Variants in ARMH3 observed in about 807,000 individuals in gnomAD.
ARMH3 encodes the protein armadillo-like helical domain-containing protein 3.
Under a neutral mutation model 99.1 loss-of-function variants are expected in ARMH3, and 60 were observed. The observed-to-expected ratio is 0.61, with a 90% CI of 0.49 to 0.75. The LOEUF is 0.75. Among genes scored for constraint, ARMH3 ranks in the 30% least tolerant of loss-of-function variants. The pLI is 0.00. For synonymous variants in ARMH3, 285 were observed against 292.8 expected, an observed-to-expected ratio of 0.97 and a Z score of 0.27; for missense variants, 679 against 843.1, an observed-to-expected ratio of 0.81 and a Z score of 2.41.
intron 1 of ARMH3, among the ~76,000 whole-genome samples, chr10:102,042,584 C>G (rs1423832108): frequency 6.6e-6 from 1 of 152,242 alleles, no homozygotes. Context: ...TCACTACTCT[C>G]TGTCATCACA....
chr10:102,048,513 G>A (rs569370804), intron 1 of ARMH3, among the ~76,000 whole-genome samples: 7 of 152,264 alleles, frequency 4.6e-5, no homozygotes, highest in African/African-American at 1.2e-4. Flanking sequence ...TGCAACCTCC[G>A]CTTCCTGGGT....
intron 2 of ARMH3, among the ~76,000 whole-genome samples, chr10:102,036,241 G>A (rs1244660016): frequency 2.7e-5 from 4 of 148,102 alleles, no homozygotes; most frequent in African/African-American, 7.5e-5. Flanking sequence ...CAGCCGCCCC[G>A]TCCGGGAGGG....
At chr10:101,872,304 T>C (rs2067149585) in intron 24 of ARMH3, among the ~76,000 whole-genome samples, 1 of 151,442 alleles carries the variant, frequency 6.6e-6, no homozygotes, top group South Asian at 2.1e-4. Context: ...ATATAAAAAC[T>C]CATAAATAAT....
chr10:102,027,194 G>A (rs7923764), intron 5 of ARMH3, among the ~76,000 whole-genome samples: 31,493 of 150,844 alleles, frequency 0.21, 3,629 homozygotes, highest in East Asian at 0.52. Flanking sequence ...CAGGAGAATC[G>A]CTTGAACCCA....
chr10:102,008,473 A>G (rs1590175535), intron 13 of ARMH3, among the ~76,000 whole-genome samples: 1 of 152,092 alleles, frequency 6.6e-6, no homozygotes, highest in African/African-American at 2.4e-5. Flanking sequence ...GCTATCCCTC[A>G]GGCATGTGAC....
intron 23 of ARMH3, among the ~76,000 whole-genome samples, chr10:101,935,116 T>C (rs926950571): frequency 6.7e-6 from 1 of 149,372 alleles, no homozygotes; most frequent in African/African-American, 2.5e-5. Flanking sequence ...AACCATTAGA[T>C]CTGTGGAAGC....
chr10:102,021,752 T>C (rs2066890567), intron 8 of ARMH3, among the ~76,000 whole-genome samples: 1 of 152,014 alleles, frequency 6.6e-6, no homozygotes, highest in South Asian at 2.1e-4. Context: ...TTCACTGTGT[T>C]AGCCAGGATG....
chr10:101,973,004 G>A (rs1247041497), intron 20 of ARMH3, among the ~76,000 whole-genome samples: 1 of 152,014 alleles, frequency 6.6e-6, no homozygotes, highest in African/African-American at 2.4e-5. Context: ...CCATTTCCTA[G>A]TGAGAAGAAA....
Position 101,938,148 on chromosome 10 carries a change from C to A in ARMH3, c.1781+1715G>T, listed in dbSNP as rs530420822. Among the ~76,000 whole-genome samples, 4 of 152,320 alleles carry A rather than the reference C, an allele frequency of 2.6e-5. No individual in the cohort carries two copies. In the East Asian group the frequency reaches 7.7e-4, roughly 29 times the overall value. On this transcript the variant is annotated intron_variant, in intron 23 of 25. Coordinates refer to ENST00000370033, the MANE Select transcript of ARMH3 (RefSeq NM_024541.3). Reference sequence around the variant, plus strand: ...CCTCCCAAAGGGCCAGGATTACAGGCGTGAGCCACTGAACCTGTCCATGAC... The same window carrying A: ...CCTCCCAAAGGGCCAGGATTACAGGAGTGAGCCACTGAACCTGTCCATGAC...
chr10:101,848,746 G>A (rs917150878), intron 25 of ARMH3, among the ~76,000 whole-genome samples: 31 of 152,066 alleles, frequency 2.0e-4, no homozygotes, highest in Non-Finnish European at 4.0e-4. Context: ...TCGAGACACC[G>A]CTCCCGTAAC....
chr10:102,029,561 C>A (rs749200633), intron 5 of ARMH3, 77 bp downstream of exon 5: 2 of 1,613,812 alleles, frequency 1.2e-6, no homozygotes, highest in Admixed American at 3.3e-5. Flanking sequence ...TCTTTGAGTA[C>A]ATTTGTCTGC....
intron 16 of ARMH3, among the ~76,000 whole-genome samples, chr10:101,994,426 G>A (rs555088262): frequency 6.6e-5 from 10 of 152,198 alleles, no homozygotes; most frequent in Admixed American, 5.9e-4. Flanking sequence ...ACTTCATGTG[G>A]AATATCTTCA....
chr10:101,853,508 C>T (rs183484716), intron 24 of ARMH3, among the ~76,000 whole-genome samples: 3 of 152,344 alleles, frequency 2.0e-5, no homozygotes, highest in East Asian at 1.9e-4. Context: ...GAGCCTCTGC[C>T]TAAAGGCCTG....
chr10:101,989,792 C>T (rs999858902), intron 19 of ARMH3, among the ~76,000 whole-genome samples: 5 of 152,162 alleles, frequency 3.3e-5, no homozygotes, highest in South Asian at 2.1e-4. Context: ...AGGACTCTCC[C>T]GGCGAGGCCA....
chr10:101,860,863 C>CA (rs1452112308), intron 24 of ARMH3, among the ~76,000 whole-genome samples: 10 of 152,260 alleles, frequency 6.6e-5, no homozygotes, highest in East Asian at 5.8e-4. Flanking sequence ...ATGAAGATTT[C>CA]AAAAATGTGT....
At chr10:102,019,935 A>C (rs2066841720) in intron 8 of ARMH3, among the ~76,000 whole-genome samples, 1 of 151,676 alleles carries the variant, frequency 6.6e-6, no homozygotes, top group Non-Finnish European at 1.5e-5. Flanking sequence ...CTCAAAAAAA[A>C]AAAAAAAAGC....
At chr10:102,041,089 TAATA>T (rs1384580718) in intron 1 of ARMH3, among the ~76,000 whole-genome samples, 1 of 114,976 alleles carries the variant, frequency 8.7e-6, no homozygotes. Flanking sequence ...TATATATATA[TAATA>T]TATATATATA....
intron 23 of ARMH3, among the ~76,000 whole-genome samples, chr10:101,902,968 T>C (rs931357025): frequency 5.3e-5 from 8 of 152,156 alleles, no homozygotes; most frequent in African/African-American, 1.9e-4. Context: ...TCTGGCAGAT[T>C]GTCTCCACAG....
intron 23 of ARMH3, among the ~76,000 whole-genome samples, chr10:101,903,509 C>T (rs1373323764): frequency 6.6e-6 from 1 of 152,118 alleles, no homozygotes; most frequent in Admixed American, 6.6e-5. Flanking sequence ...GTGCTTAGCC[C>T]AACCTGCAGG....
Sources: gnomAD v4.1 joint callset for allele counts (sites outside exome capture counted in the v4.1 genomes callset) on GRCh38, gnomAD v4.1.1 for gene constraint, MANE v1.5 for transcripts, NCBI Gene and HGNC (gene_info 2026-07-23, HGNC 2026-07-21) for gene names.